SNAP25: variants seen among roughly 807,000 people sequenced by gnomAD.
SNAP25 encodes the protein synaptosome associated protein 25.
In SNAP25, 3 loss-of-function variants were observed where a neutral mutation model predicts 28.7. That is an observed-to-expected ratio of 0.10 (90% CI 0.05 to 0.27). SNAP25 has a LOEUF of 0.27. SNAP25 is among the 10% of genes least tolerant of loss of function. The pLI is 1.00. For missense variants in SNAP25, 117 were observed against 278.7 expected (o/e 0.42, Z 4.13); for synonymous variants, 61 against 88.1 (o/e 0.69, Z 1.72).
At chr20:10,261,231 C>G (rs2063409704) in intron 1 of SNAP25, among the ~76,000 whole-genome samples, 1 of 152,134 alleles carries the variant, frequency 6.6e-6, no homozygotes, top group Non-Finnish European at 1.5e-5. Context: ...CTCCTCCCAG[C>G]TTTAAGGTAA....
intron 7 of SNAP25, among the ~76,000 whole-genome samples, chr20:10,304,388 C>T (rs1472479747): frequency 6.6e-6 from 1 of 152,098 alleles, no homozygotes; most frequent in African/African-American, 2.4e-5. Flanking sequence ...TTTTTTGACT[C>T]CCCCAAAATT....
rs1396689136 is a variant in SNAP25 at position 10,302,973 on chromosome 20, T to A, written c.553-3156T>A. 4.4e-4 allele frequency among the ~76,000 whole-genome samples: 67 copies of A among 152,174 alleles called. 1 individual carries two copies. The highest frequency in any genetic ancestry group is 4.4e-3 in the Admixed American group (67 of 15,274). On this transcript the variant is annotated intron_variant, in intron 7 of 7. Coordinates refer to ENST00000254976, the MANE Select transcript of SNAP25 (RefSeq NM_130811.4). ...TTTAAGGATATACAGAGTAACCTCATGCTCTACTTCAAATATCCCCAGGTG... is the reference window on the plus strand; with the variant it reads ...TTTAAGGATATACAGAGTAACCTCAAGCTCTACTTCAAATATCCCCAGGTG...
chr20:10,262,184 AAGAC>A (rs1161065342), intron 1 of SNAP25, among the ~76,000 whole-genome samples: 2 of 152,198 alleles, frequency 1.3e-5, no homozygotes, highest in Non-Finnish European at 2.9e-5. Flanking sequence ...CAGTAGGAAA[AAGAC>A]AGGCTACATT....
chr20:10,220,262 A>G (rs989105938), intron 1 of SNAP25, among the ~76,000 whole-genome samples: 1 of 152,234 alleles, frequency 6.6e-6, no homozygotes, highest in African/African-American at 2.4e-5. Flanking sequence ...AGGCATGAAT[A>G]CAAGCATTCA....
intron 7 of SNAP25, among the ~76,000 whole-genome samples, chr20:10,300,174 G>T (rs1261762880): frequency 6.6e-6 from 1 of 151,370 alleles, no homozygotes; most frequent in Non-Finnish European, 1.5e-5. Flanking sequence ...AGACTGGAGG[G>T]AGTAGACTGG....
At chr20:10,284,479 C>A (rs1030855389) in intron 3 of SNAP25, among the ~76,000 whole-genome samples, 1 of 152,150 alleles carries the variant, frequency 6.6e-6, no homozygotes, top group Non-Finnish European at 1.5e-5. Flanking sequence ...CCCAGCCCTA[C>A]CCCATGGAGA....
At chr20:10,272,135 G>A (rs2063605831) in intron 1 of SNAP25, among the ~76,000 whole-genome samples, 1 of 152,094 alleles carries the variant, frequency 6.6e-6, no homozygotes, top group South Asian at 2.1e-4. Context: ...ACAAATACCG[G>A]GTTTGTTCCA....
intron 3 of SNAP25, among the ~76,000 whole-genome samples, chr20:10,283,216 C>T (rs2063811065): frequency 6.6e-6 from 1 of 152,222 alleles, no homozygotes. Flanking sequence ...TAGAAACACT[C>T]CATTCTAGCA....
At chr20:10,288,386 T>C (rs1394725828) in intron 4 of SNAP25, among the ~76,000 whole-genome samples, 1 of 151,934 alleles carries the variant, frequency 6.6e-6, no homozygotes, top group African/African-American at 2.4e-5. Context: ...TATACAAACC[T>C]GGAATGAAAA....
chr20:10,270,949 G>A (rs1025657535), intron 1 of SNAP25, among the ~76,000 whole-genome samples: 8 of 152,162 alleles, frequency 5.3e-5, no homozygotes, highest in Non-Finnish European at 8.8e-5. Context: ...ACCCTTACTA[G>A]GGGTCAGACC....
intron 1 of SNAP25, among the ~76,000 whole-genome samples, chr20:10,269,380 C>T (rs1170403108): frequency 6.6e-6 from 1 of 152,036 alleles, no homozygotes. Context: ...CCCACCTGGG[C>T]GACAGAGCAA....
At chr20:10,247,936 T>C (rs900053981) in intron 1 of SNAP25, among the ~76,000 whole-genome samples, 2 of 152,224 alleles carry the variant, frequency 1.3e-5, no homozygotes, top group African/African-American at 4.8e-5. Flanking sequence ...TTGTAGTCTG[T>C]TGCTGGATCA....
intron 1 of SNAP25, among the ~76,000 whole-genome samples, chr20:10,262,731 T>C (rs1320328097): frequency 6.6e-6 from 1 of 152,130 alleles, no homozygotes; most frequent in Non-Finnish European, 1.5e-5. Flanking sequence ...AGAAGGACAG[T>C]GGGGACACAA....
intron 4 of SNAP25, among the ~76,000 whole-genome samples, chr20:10,290,295 T>C (rs2063969097): frequency 6.6e-6 from 1 of 152,198 alleles, no homozygotes. Flanking sequence ...ATTTTTTAAA[T>C]TAAAGGTTTG....
At chr20:10,247,002 C>T (rs753510644) in intron 1 of SNAP25, among the ~76,000 whole-genome samples, 10 of 152,074 alleles carry the variant, frequency 6.6e-5, no homozygotes, top group Non-Finnish European at 1.5e-4. Flanking sequence ...CACTGACACA[C>T]ATAAAGAAGT....
At chr20:10,267,824 A>G (rs2122946746) in intron 1 of SNAP25, among the ~76,000 whole-genome samples, 1 of 152,326 alleles carries the variant, frequency 6.6e-6, no homozygotes, top group South Asian at 2.1e-4. Context: ...TGCTGGGATT[A>G]TAGGCATAAG....
At chr20:10,238,200 T>C (rs962230817) in intron 1 of SNAP25, among the ~76,000 whole-genome samples, 6 of 152,182 alleles carry the variant, frequency 3.9e-5, no homozygotes, top group African/African-American at 1.4e-4. Flanking sequence ...CTTTGGTGGA[T>C]TCTACTGATT....
intron 7 of SNAP25, among the ~76,000 whole-genome samples, chr20:10,303,512 AG>A (rs768429869): frequency 6.6e-6 from 1 of 152,232 alleles, no homozygotes; most frequent in African/African-American, 2.4e-5. Flanking sequence ...AACTGAATAC[AG>A]AAGACTCAGC....
chr20:10,294,199 AC>A (rs1432397493), intron 5 of SNAP25, among the ~76,000 whole-genome samples: 6 of 152,156 alleles, frequency 3.9e-5, no homozygotes, highest in African/African-American at 1.4e-4. Context: ...CTAAAAGAAG[AC>A]TTTTTCCTAA....
Sources: gnomAD v4.1 joint callset for allele counts (sites outside exome capture counted in the v4.1 genomes callset) on GRCh38, gnomAD v4.1.1 for gene constraint, MANE v1.5 for transcripts, NCBI Gene and HGNC (gene_info 2026-07-23, HGNC 2026-07-21) for gene names.